Variants in ATP10B observed in about 807,000 individuals in gnomAD.
ATP10B encodes the protein phospholipid-transporting ATPase VB.
In ATP10B, 122 loss-of-function variants were observed where a neutral mutation model predicts 141.2. The ratio of observed to expected loss-of-function variants is 0.86; its 90% CI spans 0.75 to 1.00. The LOEUF is 1.00. ATP10B is among the 50% of genes least tolerant of loss of function. ATP10B has a pLI of 0.00. For synonymous variants in ATP10B, 685 were observed against 692.0 expected, an observed-to-expected ratio of 0.99 and a Z score of 0.16; for missense variants, 1,876 against 1,825.3, an observed-to-expected ratio of 1.03 and a Z score of -0.51.
At chr5:160,730,458 C>G (rs1766661427) in intron 2 of ATP10B, among the ~76,000 whole-genome samples, 1 of 151,992 alleles carries the variant, frequency 6.6e-6, no homozygotes, top group Non-Finnish European at 1.5e-5. Flanking sequence ...ATGTGCTTCC[C>G]CCCGACCCCA....
chr5:160,685,424 G>A, intron 6 of ATP10B: 1 of 420,474 alleles, frequency 2.4e-6, no homozygotes, highest in Non-Finnish European at 4.2e-6. Context: ...CTACTTGTTT[G>A]AGACTCCACC....
At chr5:160,826,236 G>C (rs1774592029) in intron 1 of ATP10B, among the ~76,000 whole-genome samples, 1 of 152,082 alleles carries the variant, frequency 6.6e-6, no homozygotes, top group African/African-American at 2.4e-5. Flanking sequence ...TCTCCAAACT[G>C]CTTTCCACAG....
chr5:160,793,376 C>A (rs933169734), intron 1 of ATP10B, among the ~76,000 whole-genome samples: 15 of 152,156 alleles, frequency 9.9e-5, no homozygotes, highest in Admixed American at 3.3e-4. Flanking sequence ...AGAAGCCTGG[C>A]AAGTAATGCA....
intron 6 of ATP10B, among the ~76,000 whole-genome samples, chr5:160,682,898 G>C (rs1385292086): frequency 1.3e-5 from 2 of 151,684 alleles, no homozygotes; most frequent in Non-Finnish European, 2.9e-5. Context: ...AATTAGCCAG[G>C]CGTGATGGCG....
rs551375415 is a variant in ATP10B, at chr5:160,621,754, G to C, written c.1812+640C>G. The stretch of plus-strand genomic sequence containing the variant: ...ACAGCTCACAGGGGTGATTGGCTAA[G>C]AGTCTGTGGAAGATTGAAGGCAAAT... On this transcript the variant is annotated intron_variant, in intron 14 of 25. Coordinates refer to ENST00000327245, the MANE Select transcript of ATP10B (RefSeq NM_025153.3). Among the ~76,000 whole-genome samples, 347 of 152,298 alleles carry C rather than the reference G, an allele frequency of 2.3e-3. 1 individual carries two copies. Among genetic ancestry groups the C allele is most frequent in the Non-Finnish European group, 4.1e-3 (282 of 68,030 alleles).
intron 24 of ATP10B, among the ~76,000 whole-genome samples, chr5:160,586,008 C>A (rs572621333): frequency 1.3e-5 from 2 of 152,146 alleles, no homozygotes; most frequent in African/African-American, 4.8e-5. Flanking sequence ...ATGTACAGAA[C>A]GTGCAAGTTT....
chr5:160,648,926 G>GT (rs367848503), intron 8 of ATP10B, among the ~76,000 whole-genome samples: 83,649 of 130,984 alleles, frequency 0.64, 26,534 homozygotes, highest in East Asian at 0.81. Flanking sequence ...TTTTACTAAG[G>GT]TTTTTTTTTT....
intron 7 of ATP10B, among the ~76,000 whole-genome samples, chr5:160,667,085 GCCGGCACCTGTAGTC>G (rs1762366531): frequency 6.6e-6 from 1 of 152,172 alleles, no homozygotes; most frequent in Admixed American, 6.5e-5. Flanking sequence ...GGGCGTGGTG[GCCGGCACCTGTAGTC>G]CCAGCTACTC....
At chr5:160,759,502 A>AT (rs983631880) in intron 2 of ATP10B, among the ~76,000 whole-genome samples, 2 of 152,182 alleles carry the variant, frequency 1.3e-5, no homozygotes, top group African/African-American at 4.8e-5. Context: ...TAAATGAACA[A>AT]TTTTTTTTAA....
chr5:160,822,853 C>T (rs1431204983), intron 1 of ATP10B, among the ~76,000 whole-genome samples: 1 of 150,750 alleles, frequency 6.6e-6, no homozygotes, highest in Non-Finnish European at 1.5e-5. Context: ...AGGATGGTTA[C>T]TAGAGACTGG....
At chr5:160,838,082 C>G (rs905044691) in intron 1 of ATP10B, among the ~76,000 whole-genome samples, 10 of 152,174 alleles carry the variant, frequency 6.6e-5, no homozygotes, top group Non-Finnish European at 1.5e-4. Flanking sequence ...TGGCAAAAAT[C>G]TGAAAGCCCC....
chr5:160,730,827 C>T (rs2127793736), intron 2 of ATP10B, among the ~76,000 whole-genome samples: 1 of 152,268 alleles, frequency 6.6e-6, no homozygotes, highest in South Asian at 2.1e-4. Flanking sequence ...ATCCTCAAAT[C>T]AGATAAGACA....
In ATP10B at chr5:160,812,549, A is replaced by G. The variant is rs539414126; in HGVS notation, c.-575-26746T>C. Among the ~76,000 whole-genome samples, 12 of 152,304 alleles carry G rather than the reference A, an allele frequency of 7.9e-5. No individual in the cohort carries two copies. The East Asian group carries it at 1.5e-3, about 20-fold the overall frequency. ...ATTCTATCAGATAAATTTTAAGAAG[A>G]GTTTGAAATAATTAAAAGGAATCAA... On this transcript the variant is annotated intron_variant, in intron 1 of 25. Coordinates refer to ENST00000327245, the MANE Select transcript of ATP10B (RefSeq NM_025153.3).
intron 2 of ATP10B, among the ~76,000 whole-genome samples, chr5:160,758,708 G>T (rs764731587): frequency 1.3e-5 from 2 of 152,158 alleles, no homozygotes; most frequent in Non-Finnish European, 2.9e-5. Context: ...GTAGACTTGG[G>T]TCCCTTTTGG....
intron 1 of ATP10B, among the ~76,000 whole-genome samples, chr5:160,789,223 A>G (rs1393414193): frequency 6.6e-6 from 1 of 152,132 alleles, no homozygotes; most frequent in Non-Finnish European, 1.5e-5. Flanking sequence ...TTAGCAGTAG[A>G]AGTGGGTTTG....
At chr5:160,719,191 G>C (rs928245341) in intron 2 of ATP10B, among the ~76,000 whole-genome samples, 2 of 152,164 alleles carry the variant, frequency 1.3e-5, no homozygotes, top group Admixed American at 6.5e-5. Context: ...ACGAGGTCAG[G>C]AGATCGAGAC....
At chr5:160,819,466 CAAT>C (rs1773938362) in intron 1 of ATP10B, among the ~76,000 whole-genome samples, 1 of 152,010 alleles carries the variant, frequency 6.6e-6, no homozygotes, top group Non-Finnish European at 1.5e-5. Context: ...CATTAATGAA[CAAT>C]AAGAAATCAT....
chr5:160,648,013 C>T (rs1760416441), intron 8 of ATP10B, among the ~76,000 whole-genome samples: 1 of 152,134 alleles, frequency 6.6e-6, no homozygotes, highest in South Asian at 2.1e-4. Context: ...CTGAGCTCCG[C>T]AATGTACGGC....
intron 2 of ATP10B, among the ~76,000 whole-genome samples, chr5:160,734,981 A>T (rs1457891539): frequency 1.3e-5 from 2 of 152,030 alleles, no homozygotes; most frequent in South Asian, 2.1e-4. Flanking sequence ...ACCTCAAATT[A>T]AAAAAGATAC....
Sources: gnomAD v4.1 joint callset for allele counts (sites outside exome capture counted in the v4.1 genomes callset) on GRCh38, gnomAD v4.1.1 for gene constraint, MANE v1.5 for transcripts, NCBI Gene and HGNC (gene_info 2026-07-23, HGNC 2026-07-21) for gene names.